Variants in ADSS1 observed in about 807,000 individuals in gnomAD.
ADSS1 encodes the protein adenylosuccinate synthetase isozyme 1.
ADSS1 carries 57 observed loss-of-function variants against 59.1 expected under a neutral mutation model. That is an observed-to-expected ratio of 0.97 (90% CI 0.78 to 1.20). The LOEUF is 1.20. Ranked by LOEUF, ADSS1 falls within the 50% of genes most tolerant of loss-of-function variation. ADSS1 has a pLI of 0.00. For synonymous variants in ADSS1, 247 were observed against 249.4 expected (o/e 0.99, Z 0.09); for missense variants, 603 against 610.3 (o/e 0.99, Z 0.13).
chr14:104,745,156 CAG>C (rs1446046162), intron 11 of ADSS1: 7 of 467,374 alleles, frequency 1.5e-5, no homozygotes, highest in Non-Finnish European at 2.3e-5. Flanking sequence ...GGGAATGGCT[CAG>C]GGGGACAGAC....
At chr14:104,724,562 C>G in intron 1 of ADSS1, 100 bp downstream of exon 1, 1 of 1,226,904 alleles carries the variant, frequency 8.2e-7, no homozygotes, top group Non-Finnish European at 1.0e-6. Flanking sequence ...CGGTCACTCA[C>G]CCGCTTGGAT....
At chr14:104,743,677 A>G (rs1891457255) in intron 10 of ADSS1, 1 of 168,492 alleles carries the variant, frequency 5.9e-6, no homozygotes, top group Non-Finnish European at 1.3e-5. Flanking sequence ...CTTCCTTTCC[A>G]GCTCAGTCAG....
chr14:104,724,695 G>A (rs1890670073), intron 1 of ADSS1, among the ~76,000 whole-genome samples: 2 of 152,036 alleles, frequency 1.3e-5, no homozygotes, highest in African/African-American at 2.4e-5. Context: ...CACCACCCCG[G>A]CAGCGGGCCA....
At chr14:104,731,373 T>C (rs1462344032) in intron 1 of ADSS1, among the ~76,000 whole-genome samples, 5 of 152,184 alleles carry the variant, frequency 3.3e-5, no homozygotes, top group African/African-American at 9.7e-5. Flanking sequence ...GTGTGCAACA[T>C]GGGTGACTGT....
chr14:104,735,008 T>C lies in ADSS1; in HGVS notation c.193-12T>C, dbSNP rs1323360277. ...CCCAAGTGCCTTCAGCTCAGCCGGG[T>C]TTCTGTTCCAGGGGGGCAACAACGC... On this transcript the variant is annotated splice_polypyrimidine_tract_variant and intron_variant, in intron 1 of 12. Transcript: ENST00000330877. 2 of 1,608,172 alleles carry C rather than the reference T, an allele frequency of 1.2e-6. No individual in the cohort carries two copies. Among genetic ancestry groups the C allele is most frequent in the African/African-American group, 2.7e-5 (2 of 74,830 alleles).
At chr14:104,730,084 T>C in intron 1 of ADSS1, 1 of 1,556,876 alleles carries the variant, frequency 6.4e-7, no homozygotes, top group Non-Finnish European at 8.7e-7. Context: ...CCAGTGCCTG[T>C]GGAGGCCCAA....
At chr14:104,741,818 G>A (rs747472414) in intron 8 of ADSS1, 30 bp from the exon 9 acceptor site, 48 of 1,610,146 alleles carry the variant, frequency 3.0e-5, no homozygotes, top group Non-Finnish European at 3.6e-5. Flanking sequence ...GGGGTGACAG[G>A]TAGCCCCCTA....
intron 1 of ADSS1, chr14:104,729,990 G>GC: frequency 6.3e-7 from 1 of 1,597,084 alleles, no homozygotes; most frequent in Non-Finnish European, 8.5e-7. Context: ...CCAGCTCACA[G>GC]CACAGCCCTC....
chr14:104,743,327 C>A, intron 10 of ADSS1, 136 bp downstream of exon 10: 1 of 1,337,488 alleles, frequency 7.5e-7, no homozygotes, highest in Non-Finnish European at 1.0e-6. Context: ...TCGACCCTTC[C>A]ACAAAGCACG....
chr14:104,730,667 C>T (rs938954255), intron 1 of ADSS1, among the ~76,000 whole-genome samples: 3 of 152,006 alleles, frequency 2.0e-5, no homozygotes, highest in South Asian at 2.1e-4. Flanking sequence ...TGGGGAGTGG[C>T]CCCGAGAGGT....
rs74089207 is a variant in ADSS1, at chr14:104,735,043, G to T, written c.216G>T (p.Thr72=). Residue 72 remains threonine (T), a synonymous_variant, in exon 2 of 13, where the codon ACG becomes ACT. Transcript: ENST00000330877. ...AGGGGGGCAACAACGCCGGCCACACGGTGGTGGTGGATGGGAAAGAGTACG... is the reference window on the plus strand; with the variant it reads ...AGGGGGGCAACAACGCCGGCCACACTGTGGTGGTGGATGGGAAAGAGTACG... ...RCQGGNNAGH[T]VVVDGKEYDF... 2 of 1,613,518 alleles carry T rather than the reference G, an allele frequency of 1.2e-6. No individual in the cohort carries two copies. Among genetic ancestry groups the T allele is most frequent in the African/African-American group, 2.7e-5 (2 of 75,068 alleles).
At chr14:104,744,164 A>G (rs755742011) in intron 10 of ADSS1, among the ~76,000 whole-genome samples, 7 of 152,098 alleles carry the variant, frequency 4.6e-5, no homozygotes, top group Non-Finnish European at 1.0e-4. Flanking sequence ...TGGGCCCTAA[A>G]CACGGCTGTG....
chr14:104,730,093 A>T (rs1055399344), intron 1 of ADSS1: 1 of 1,553,156 alleles, frequency 6.4e-7, no homozygotes, highest in African/African-American at 1.4e-5. Context: ...GTGGAGGCCC[A>T]ACTAGGGTGA....
At chr14:104,727,050 C>T (rs934083139) in intron 1 of ADSS1, among the ~76,000 whole-genome samples, 1 of 152,210 alleles carries the variant, frequency 6.6e-6, no homozygotes, top group African/African-American at 2.4e-5. Context: ...TGGCCCCTGG[C>T]ACTTGGCAAG....
intron 1 of ADSS1, 100 bp from the exon 2 acceptor site, chr14:104,734,920 A>T (rs1891060485): frequency 1.0e-6 from 1 of 971,264 alleles, no homozygotes; most frequent in African/African-American, 1.6e-5. Context: ...ATCCAACAGC[A>T]GTGCCCTGCA....
Position 104,740,495 on chromosome 14 carries a change from T to A in ADSS1, c.477-106T>A. On this transcript the variant is annotated intron_variant, in intron 5 of 12. Transcript: ENST00000330877. This position sits in a 1 kb window ranked among gnomAD's most constrained non-coding sequence, Gnocchi z 4.8. The stretch of plus-strand genomic sequence containing the variant: ...CAGCTCAGCCAGACACAGGCAGCAA[T>A]GGTGGGCACTGGAGTCATGAGCCGG... 1.1e-6 allele frequency: 1 copy of A among 930,598 alleles called. No individual in the cohort carries two copies. The highest frequency in any genetic ancestry group is 1.7e-6 in the Non-Finnish European group (1 of 596,162). The allele number at this position is 930,598 out of a possible 1,614,324, so 57.6% of individuals were successfully genotyped here.
intron 10 of ADSS1, 67 bp from the exon 11 acceptor site, chr14:104,744,745 C>T: frequency 6.7e-7 from 1 of 1,500,586 alleles, no homozygotes; most frequent in South Asian, 1.1e-5. Context: ...AGGTCAAAAG[C>T]AAGCGGAAGA....
intron 1 of ADSS1, chr14:104,729,788 CGTCGTGGGG>C: frequency 2.5e-5 from 9 of 363,478 alleles, no homozygotes; most frequent in Non-Finnish European, 3.6e-5. Flanking sequence ...GTGGCGTCGG[CGTCGTGGGG>C]AGGAGCGTGG....
At position 104,741,347 on chromosome 14, in the gene ADSS1, G is replaced by A. The variant is rs981658401; in HGVS notation, c.793+104G>A. ...CGATGGGGGAGGGAGGGGCAGACCC[G>A]CTTTCCAAGGCCACAGTGCCATCCA... is the stretch of plus-strand genomic sequence containing the variant. On this transcript the variant is annotated intron_variant, in intron 8 of 12. Coordinates refer to ENST00000330877, the MANE Select transcript of ADSS1 (RefSeq NM_152328.5). The A allele has an allele frequency of 1.7e-5, 24 of 1,424,392 alleles. 1 individual carries two copies. The highest frequency in any genetic ancestry group is 7.5e-5 in the Admixed American group (3 of 40,044). 88.2% of individuals were successfully genotyped at this position (1,424,392 alleles called of 1,614,324 possible).
Sources: gnomAD v4.1 joint callset for allele counts (sites outside exome capture counted in the v4.1 genomes callset) on GRCh38, gnomAD v4.1.1 for gene constraint, Gnocchi (gnomAD v3.1) non-coding constraint, MANE v1.5 for transcripts, NCBI Gene and HGNC (gene_info 2026-07-23, HGNC 2026-07-21) for gene names.